AP1M1: variants seen among roughly 807,000 people sequenced by gnomAD.
AP1M1 encodes adaptor related protein complex 1 subunit mu 1, also known as AP-1 complex subunit mu-1.
A neutral mutation model predicts 57.1 loss-of-function variants in AP1M1; 18 were observed. The ratio of observed to expected loss-of-function variants is 0.32; its 90% CI spans 0.22 to 0.47. AP1M1 has a LOEUF of 0.47. AP1M1 is among the 20% of genes least tolerant of loss of function. The pLI is 1.00. For synonymous variants in AP1M1, 241 were observed against 237.9 expected, an observed-to-expected ratio of 1.01 and a Z score of -0.12; for missense variants, 362 against 593.5, an observed-to-expected ratio of 0.61 and a Z score of 4.05.
chr19:16,202,643 C>T (rs537765016), intron 1 of AP1M1, among the ~76,000 whole-genome samples: 9 of 152,330 alleles, frequency 5.9e-5, no homozygotes, highest in South Asian at 2.1e-4. Context: ...GATTCTGATG[C>T]GCCTGTGTAT....
At chr19:16,210,478 G>A (rs2091489023) in intron 5 of AP1M1, 1 of 702,700 alleles carries the variant, frequency 1.4e-6, no homozygotes, top group Non-Finnish European at 2.6e-6. Context: ...GGGTTGTGAT[G>A]ACCCCACATC....
intron 5 of AP1M1, among the ~76,000 whole-genome samples, chr19:16,223,222 C>T (rs1300299434): frequency 6.6e-6 from 1 of 152,220 alleles, no homozygotes; most frequent in Admixed American, 6.5e-5. Context: ...CGTGCCATTT[C>T]CTGGTCAGAT....
chr19:16,216,648 T>G (rs1033178701), intron 5 of AP1M1, among the ~76,000 whole-genome samples: 1 of 152,160 alleles, frequency 6.6e-6, no homozygotes, highest in Non-Finnish European at 1.5e-5. Context: ...GGTTTGATTG[T>G]GTATAAGGTG....
rs181756768 is a variant in AP1M1 at position 16,198,079 on chromosome 19, C to T, written c.42+11C>T. The T allele has an allele frequency of 8.1e-4, 1,298 of 1,595,336 alleles. 8 individuals are homozygous for T. The African/African-American group carries it at 0.015, about 18-fold the overall frequency. ...GACCTGAAGGGCAAGGTACTGAGGG[C>T]TCCCCACCCTCCCTGTTGCCAGGCA... On this transcript the variant is annotated intron_variant, in intron 1 of 11. Coordinates refer to ENST00000291439, the MANE Select transcript of AP1M1 (RefSeq NM_032493.4).
chr19:16,215,855 G>A (rs73519740), intron 5 of AP1M1, among the ~76,000 whole-genome samples: 2,246 of 152,218 alleles, frequency 0.015, 33 homozygotes, highest in Middle Eastern at 0.065. Context: ...TGGAGGCTTT[G>A]TTCATTCCTT....
chr19:16,226,966 G>A (rs1237986805), intron 6 of AP1M1, among the ~76,000 whole-genome samples: 1 of 152,188 alleles, frequency 6.6e-6, no homozygotes, highest in Non-Finnish European at 1.5e-5. Flanking sequence ...TCCCACAGCA[G>A]GGCGGGGGCA....
At position 16,230,494 on chromosome 19, in the gene AP1M1, A is replaced by G. The variant is rs531942687; in HGVS notation, c.1047+1566A>G. ...CGGCTCACTGCAACCTGTGCCTCCC[A>G]GGTTCAAGTGATTCTCCTGCCTCAG... On this transcript the variant is annotated intron_variant, in intron 9 of 11. Coordinates refer to ENST00000291439, the MANE Select transcript of AP1M1 (RefSeq NM_032493.4). Among the ~76,000 whole-genome samples, 4 of 149,450 alleles carry G rather than the reference A, an allele frequency of 2.7e-5. No homozygotes were observed. In the South Asian group the frequency reaches 8.5e-4, roughly 32 times the overall value.
chr19:16,220,493 C>T (rs975514086), intron 5 of AP1M1, among the ~76,000 whole-genome samples: 8 of 151,964 alleles, frequency 5.3e-5, no homozygotes, highest in South Asian at 4.2e-4. Context: ...CAGGTTCAAG[C>T]GATTCTCCAG....
intron 10 of AP1M1, 133 bp downstream of exon 10, chr19:16,233,751 T>C: frequency 1.6e-6 from 2 of 1,252,154 alleles, no homozygotes; most frequent in Admixed American, 2.7e-5. Flanking sequence ...GGCCTCTGCC[T>C]CCCCACAGAC....
chr19:16,217,871 C>T (rs55690207), intron 5 of AP1M1, among the ~76,000 whole-genome samples: 16,642 of 152,124 alleles, frequency 0.11, 1,127 homozygotes, highest in East Asian at 0.32. Flanking sequence ...AGGCAGAACT[C>T]GACTTAGGAG....
At chr19:16,220,602 G>A (rs948819602) in intron 5 of AP1M1, among the ~76,000 whole-genome samples, 4 of 152,090 alleles carry the variant, frequency 2.6e-5, no homozygotes, top group African/African-American at 4.8e-5. Flanking sequence ...TGTTGGCTGG[G>A]CTGGTCACAA....
rs1599448835 is a variant in AP1M1, at chr19:16,197,975, T to C, written c.-52T>C. On this transcript the variant is annotated 5_prime_UTR_variant, in exon 1 of 12. Transcript: ENST00000291439. ...GCTCAACGCCCAGCAGTCCCCACCG[T>C]CGCTGCCGCCGCCACCGCCCTCGGC... 3.2e-5 allele frequency: 47 copies of C among 1,451,628 alleles called. No individual in the cohort carries two copies. The highest frequency in any genetic ancestry group is 6.4e-5 in the South Asian group (5 of 77,814). 89.9% of individuals were successfully genotyped at this position (1,451,628 alleles called of 1,614,324 possible).
intron 5 of AP1M1, among the ~76,000 whole-genome samples, chr19:16,214,743 T>C (rs1200927473): frequency 6.6e-6 from 1 of 151,866 alleles, no homozygotes; most frequent in Non-Finnish European, 1.5e-5. Flanking sequence ...TCTGAAAGGA[T>C]CTTTTTTATT....
Position 16,244,321 on chromosome 19 carries a change from A to G in AP1M1, c.*9886A>G, listed in dbSNP as rs150894034. On this transcript the variant is annotated 3_prime_UTR_variant, in exon 12 of 12. Coordinates refer to ENST00000291439, the MANE Select transcript of AP1M1 (RefSeq NM_032493.4). ...CGAAAGAGTTTGCCAGCAGCAGGCT[A>G]ACACTAAAGAAAATTGTAAACAGTG... 1 of 152,376 alleles carries G rather than the reference A, an allele frequency of 6.6e-6. No homozygotes were observed. Among genetic ancestry groups the G allele is most frequent in the East Asian group, 1.9e-4 (1 of 5,192 alleles). 9.4% of individuals were successfully genotyped at this position (152,376 alleles called of 1,614,324 possible). A position where few individuals can be genotyped will look rare whatever the true frequency, so the allele number is the denominator to read the frequency against.
At chr19:16,217,673 C>T (rs1157410870) in intron 5 of AP1M1, among the ~76,000 whole-genome samples, 1 of 152,160 alleles carries the variant, frequency 6.6e-6, no homozygotes, top group East Asian at 1.9e-4. Flanking sequence ...TCAGGTCAGA[C>T]CAGCCCCATC....
chr19:16,197,975 T>TCGCTGCCGCCGCCACCGCCCGCGGC lies in AP1M1; in HGVS notation c.-32_-31insGCGGCCGCTGCCGCCGCCACCGCCC. 1.4e-6 allele frequency: 2 copies of TCGCTGCCGCCGCCACCGCCCGCGGC among 1,451,816 alleles called. No individual in the cohort carries two copies. The highest frequency in any genetic ancestry group is 1.3e-5 in the South Asian group (1 of 77,828). The allele number at this position is 1,451,816 out of a possible 1,614,324, so 89.9% of individuals were successfully genotyped here. On this transcript the variant is annotated 5_prime_UTR_variant, in exon 1 of 12. Coordinates refer to ENST00000291439, the MANE Select transcript of AP1M1 (RefSeq NM_032493.4). ...GCTCAACGCCCAGCAGTCCCCACCG[T>TCGCTGCCGCCGCCACCGCCCGCGGC]CGCTGCCGCCGCCACCGCCCTCGGC... is the stretch of plus-strand genomic sequence containing the variant.
chr19:16,216,837 T>G (rs2091520958), intron 5 of AP1M1, among the ~76,000 whole-genome samples: 1 of 152,212 alleles, frequency 6.6e-6, no homozygotes, highest in African/African-American at 2.4e-5. Context: ...AGACAGCTGG[T>G]CACAACACTC....
chr19:16,212,514 C>T (rs555720482), intron 5 of AP1M1, among the ~76,000 whole-genome samples: 1 of 152,154 alleles, frequency 6.6e-6, no homozygotes, highest in Admixed American at 6.5e-5. Flanking sequence ...TAGCTAGCAG[C>T]CTATCTATCT....
At position 16,209,164 on chromosome 19, in the gene AP1M1, C is replaced by T; in HGVS notation, c.533C>T (p.Ser178Phe). 1 of 1,614,168 alleles carries T rather than the reference C, an allele frequency of 6.2e-7. No homozygotes were observed. Among genetic ancestry groups the T allele is most frequent in the Non-Finnish European group, 8.5e-7 (1 of 1,180,012 alleles). Reference protein sequence around the residue: ...KNEVFLDVIESVNLLVSANGN... With the variant: ...KNEVFLDVIEFVNLLVSANGN... ...GAGGTGTTCTTGGACGTCATCGAGT[C>T]TGTCAACCTCTTGGTAGGCCTCTTT... Residue 178 changes from serine (S) to phenylalanine (F), a missense_variant, in exon 5 of 12, where the codon TCT becomes TTT. Ser to Phe is a radical substitution (Grantham distance 155, BLOSUM62 -2). Transcript: ENST00000291439.
Sources: allele counts gnomAD v4.1 joint callset (sites outside exome capture counted in the v4.1 genomes callset), GRCh38; gene constraint gnomAD v4.1.1; transcripts MANE v1.5; gene names NCBI Gene and HGNC (gene_info 2026-07-23, HGNC 2026-07-21).